DIPK1A: variants seen among roughly 807,000 people sequenced by gnomAD.
DIPK1A encodes the protein family with sequence similarity 69 member A.
Under a neutral mutation model 40.8 loss-of-function variants are expected in DIPK1A, and 27 were observed. The ratio of observed to expected loss-of-function variants is 0.66; its 90% CI spans 0.49 to 0.91. The LOEUF (loss-of-function observed/expected upper bound fraction) is 0.91. DIPK1A is among the 40% of genes least tolerant of loss of function. DIPK1A has a pLI of 0.00. For synonymous variants in DIPK1A, 166 were observed against 171.3 expected (o/e 0.97, Z 0.24); for missense variants, 412 against 505.7 (o/e 0.81, Z 1.78).
chr1:92,847,276 T>A lies in DIPK1A; in HGVS notation c.381A>T (p.Glu127Asp). Reference protein sequence around the residue: ...EQALHLDFGTELEPRKEIVLF... With the variant: ...EQALHLDFGTDLEPRKEIVLF... Reference sequence around the variant, plus strand: ...GCACTATTTCTTTTCTTGGTTCCAATTCAGTTCCAAAATCAAGATGAAGCG... The same window carrying A: ...GCACTATTTCTTTTCTTGGTTCCAAATCAGTTCCAAAATCAAGATGAAGCG... The change falls in exon 4 of 5, where the codon GAA becomes GAT. Residue 127 changes from glutamate to aspartate, a missense_variant. Physicochemically the swap from Glu to Asp is conservative, Grantham distance 45. Coordinates refer to ENST00000370310, the MANE Select transcript of DIPK1A (RefSeq NM_001006605.5). 6.2e-7 allele frequency: 1 copy of A among 1,612,700 alleles called. No individual in the cohort carries two copies.
intron 1 of DIPK1A, among the ~76,000 whole-genome samples, chr1:92,910,268 A>G (rs1384477014): frequency 6.6e-6 from 1 of 152,158 alleles, no homozygotes; most frequent in African/African-American, 2.4e-5. Flanking sequence ...ATAATTGTTG[A>G]TCTCTTGAGT....
At chr1:92,881,705 G>A (rs947518586) in intron 1 of DIPK1A, among the ~76,000 whole-genome samples, 1 of 152,040 alleles carries the variant, frequency 6.6e-6, no homozygotes, top group Non-Finnish European at 1.5e-5. Context: ...AAAAAAATTC[G>A]CTTTCAAAAT....
chr1:92,884,360 G>C (rs1648506527), intron 1 of DIPK1A, among the ~76,000 whole-genome samples: 2 of 152,066 alleles, frequency 1.3e-5, no homozygotes, highest in Non-Finnish European at 2.9e-5. Context: ...GGCTGAGGTA[G>C]GAGGATTGCT....
At chr1:92,850,747 T>C in intron 3 of DIPK1A, 101 bp downstream of exon 3, 1 of 684,912 alleles carries the variant, frequency 1.5e-6, no homozygotes, top group South Asian at 1.9e-5. Flanking sequence ...ACATATAATG[T>C]CTCAAAGCTT....
intron 1 of DIPK1A, among the ~76,000 whole-genome samples, chr1:92,888,801 T>C (rs901423934): frequency 6.6e-6 from 1 of 152,364 alleles, no homozygotes; most frequent in Non-Finnish European, 1.5e-5. Context: ...TTTTTTCATG[T>C]ACCTGTCTTC....
intron 1 of DIPK1A, among the ~76,000 whole-genome samples, chr1:92,901,473 G>A (rs185523893): frequency 1.9e-4 from 29 of 152,118 alleles, no homozygotes; most frequent in African/African-American, 6.5e-4. Flanking sequence ...TTGGGCCCAC[G>A]GAGCTAGGCT....
At chr1:92,850,429 C>G (rs1344551856) in intron 3 of DIPK1A, among the ~76,000 whole-genome samples, 3 of 152,100 alleles carry the variant, frequency 2.0e-5, no homozygotes, top group Admixed American at 6.6e-5. Flanking sequence ...ATCTATAATC[C>G]CAGCACTTTG....
At chr1:92,856,962 G>A (rs1688006485) in intron 2 of DIPK1A, among the ~76,000 whole-genome samples, 1 of 152,140 alleles carries the variant, frequency 6.6e-6, no homozygotes, top group Admixed American at 6.5e-5. Context: ...GAAATACTAT[G>A]CAGTCATTAA....
At chr1:92,937,980 C>CTAA (rs1395737033) in intron 1 of DIPK1A, among the ~76,000 whole-genome samples, 6 of 152,068 alleles carry the variant, frequency 3.9e-5, no homozygotes, top group African/African-American at 1.4e-4. Context: ...AATTAGGAAC[C>CTAA]TAATAATAGT....
chr1:92,876,921 T>C (rs532097811), intron 1 of DIPK1A: 1 of 924,306 alleles, frequency 1.1e-6, no homozygotes, highest in African/African-American at 1.8e-5. Flanking sequence ...GAACAAGAAA[T>C]TAAGCTCTAC....
chr1:92,952,872 G>A (rs1021328030), intron 1 of DIPK1A, among the ~76,000 whole-genome samples: 1 of 151,862 alleles, frequency 6.6e-6, no homozygotes, highest in African/African-American at 2.4e-5. Context: ...CAAGCAGTGG[G>A]GGACAGGGAG....
intron 1 of DIPK1A, among the ~76,000 whole-genome samples, chr1:92,945,017 G>C (rs139717039): frequency 1.1e-3 from 164 of 152,220 alleles, no homozygotes; most frequent in African/African-American, 3.1e-3. Context: ...GCACAGATTA[G>C]GACAAGGAAA....
chr1:92,904,559 T>C (rs1274447737), intron 1 of DIPK1A, among the ~76,000 whole-genome samples: 14 of 152,152 alleles, frequency 9.2e-5, no homozygotes, highest in Admixed American at 9.2e-4. Context: ...TATATATTTA[T>C]GAGGTACACG....
intron 1 of DIPK1A, among the ~76,000 whole-genome samples, chr1:92,907,847 G>A (rs547685333): frequency 2.0e-4 from 30 of 151,926 alleles, no homozygotes; most frequent in Admixed American, 5.9e-4. Context: ...ATGTAAATTC[G>A]ATCTTGATAA....
At chr1:92,877,170 T>G (rs1345143975) in intron 1 of DIPK1A, 3 of 983,876 alleles carry the variant, frequency 3.0e-6, no homozygotes, top group Non-Finnish European at 3.6e-6. Context: ...CCAGTGCTCT[T>G]GTATCTAATT....
At chr1:92,935,723 T>C (rs972431164) in intron 1 of DIPK1A, among the ~76,000 whole-genome samples, 4 of 151,974 alleles carry the variant, frequency 2.6e-5, no homozygotes, top group African/African-American at 9.7e-5. Flanking sequence ...TTATAACGTG[T>C]TCAAGTAACT....
At chr1:92,866,474 A>G (rs1156390101) in intron 2 of DIPK1A, among the ~76,000 whole-genome samples, 1 of 152,128 alleles carries the variant, frequency 6.6e-6, no homozygotes, top group African/African-American at 2.4e-5. Context: ...TAATCTCCCT[A>G]TTCATAGATC....
At chr1:92,850,784 C>G (rs1018202660) in intron 3 of DIPK1A, 64 bp downstream of exon 3, 4 of 1,018,546 alleles carry the variant, frequency 3.9e-6, no homozygotes, top group East Asian at 2.7e-5. Context: ...TTAATAATGC[C>G]TTTAATTTCT....
At chr1:92,835,042 G>A (rs1049430940) in intron 4 of DIPK1A, 10 of 1,356,918 alleles carry the variant, frequency 7.4e-6, no homozygotes, top group Non-Finnish European at 1.0e-5. Flanking sequence ...CCAGTTTTCT[G>A]CTTTGTTAAT....
Sources: allele counts gnomAD v4.1 joint callset (sites outside exome capture counted in the v4.1 genomes callset), GRCh38; gene constraint gnomAD v4.1.1; transcripts MANE v1.5; gene names NCBI Gene and HGNC (gene_info 2026-07-23, HGNC 2026-07-21).